ATXN1: variants seen among roughly 807,000 people sequenced by gnomAD.
The protein encoded by ATXN1 is ataxin 1.
A neutral mutation model predicts 56.4 loss-of-function variants in ATXN1; 8 were observed. The observed-to-expected ratio is 0.14, with a 90% CI of 0.08 to 0.26. The LOEUF is 0.26. ATXN1 is among the 10% of genes least tolerant of loss of function. The pLI is 1.00. For missense variants in ATXN1, 987 were observed against 1,106.5 expected, an observed-to-expected ratio of 0.89 and a Z score of 1.53; for synonymous variants, 514 against 494.6, an observed-to-expected ratio of 1.04 and a Z score of -0.52.
At chr6:16,573,132 T>C (rs1015417978) in intron 4 of ATXN1, among the ~76,000 whole-genome samples, 1 of 152,180 alleles carries the variant, frequency 6.6e-6, no homozygotes, top group Non-Finnish European at 1.5e-5. Context: ...TCATTCAGTC[T>C]AGCCTAAGCC....
At chr6:16,386,493 C>A (rs1758242945) in intron 6 of ATXN1, among the ~76,000 whole-genome samples, 1 of 152,186 alleles carries the variant, frequency 6.6e-6, no homozygotes, top group African/African-American at 2.4e-5. Context: ...AACACTTTTA[C>A]ATGAAAGAAA....
At chr6:16,529,176 C>CA (rs34454648) in intron 4 of ATXN1, among the ~76,000 whole-genome samples, 59,229 of 122,200 alleles carry the variant, frequency 0.48, 13,317 homozygotes, top group African/African-American at 0.61. Flanking sequence ...AAGACTCTGT[C>CA]AAAAAAAAAA....
At chr6:16,731,335 A>G (rs1044791820) in intron 2 of ATXN1, among the ~76,000 whole-genome samples, 1 of 152,026 alleles carries the variant, frequency 6.6e-6, no homozygotes, top group Non-Finnish European at 1.5e-5. Context: ...CATTCAGGGG[A>G]AAAAAACATC....
rs1347251416 is a variant in ATXN1, at chr6:16,760,606, C to T, written c.-730+692G>A. Among the ~76,000 whole-genome samples the T allele has an allele frequency of 6.6e-6, 1 of 151,056 alleles. No homozygotes were observed. The highest frequency in any genetic ancestry group is 2.4e-5 in the African/African-American group (1 of 41,240). On this transcript the variant is annotated intron_variant, in intron 1 of 7. Coordinates refer to ENST00000436367, the MANE Select transcript of ATXN1 (RefSeq NM_001128164.2). The surrounding 1 kb of genome is among the most constrained non-coding windows in gnomAD (Gnocchi z 5.3). The stretch of plus-strand genomic sequence containing the variant: ...CCCGGCCGCGCGCAAAGTCCCGTCC[C>T]GGCTGCAGGAGCAGTCCCTTCCCCG...
intron 5 of ATXN1, among the ~76,000 whole-genome samples, chr6:16,513,599 G>A (rs542503058): frequency 3.5e-4 from 53 of 152,256 alleles, no homozygotes; most frequent in African/African-American, 1.3e-3. Flanking sequence ...AACAGGCCAC[G>A]GTGATATTAT....
intron 2 of ATXN1, among the ~76,000 whole-genome samples, chr6:16,721,680 T>C (rs1378262705): frequency 7.2e-5 from 11 of 152,204 alleles, no homozygotes; most frequent in Non-Finnish European, 1.6e-4. Flanking sequence ...GCAGATTTAA[T>C]GTAATAATTT....
intron 3 of ATXN1, among the ~76,000 whole-genome samples, chr6:16,593,971 CTAAT>C (rs1003585924): frequency 4.1e-5 from 6 of 146,934 alleles, no homozygotes; most frequent in Non-Finnish European, 8.9e-5. Flanking sequence ...ACATATTAGT[CTAAT>C]TATTATATAT....
chr6:16,500,738 TAAAA>T (rs1167731131), intron 5 of ATXN1, among the ~76,000 whole-genome samples: 6 of 84,598 alleles, frequency 7.1e-5, no homozygotes, highest in African/African-American at 2.5e-4. Context: ...TTCATTATGA[TAAAA>T]AAAAAAAAAA....
Position 16,328,516 on chromosome 6 carries a change from G to A in ATXN1, c.-160-46C>T, listed in dbSNP as rs996645555. On this transcript the variant is annotated intron_variant, in intron 6 of 7. Coordinates refer to ENST00000436367, the MANE Select transcript of ATXN1 (RefSeq NM_001128164.2). The surrounding 1 kb of genome is among the most constrained non-coding windows in gnomAD (Gnocchi z 6.2). The stretch of plus-strand genomic sequence containing the variant: ...GTGACAAAGGGAAAAGGAAAGGGAG[G>A]AGAAAGGGAAGGAGGGAAAGGACAT... 2 of 944,824 alleles carry A rather than the reference G, an allele frequency of 2.1e-6. No homozygotes were observed. The highest frequency in any genetic ancestry group is 2.8e-6 in the Non-Finnish European group (2 of 707,072). The allele number at this position is 944,824 out of a possible 1,614,324, so 58.5% of individuals were successfully genotyped here.
chr6:16,486,722 G>C (rs915953832), intron 5 of ATXN1, among the ~76,000 whole-genome samples: 1 of 152,128 alleles, frequency 6.6e-6, no homozygotes, highest in Non-Finnish European at 1.5e-5. Context: ...AGAAAGTGAA[G>C]GCATCACGCA....
At chr6:16,533,847 A>C (rs1761548328) in intron 4 of ATXN1, among the ~76,000 whole-genome samples, 1 of 152,160 alleles carries the variant, frequency 6.6e-6, no homozygotes, top group African/African-American at 2.4e-5. Context: ...CATGCACAAG[A>C]GGTGACTTCA....
At chr6:16,761,064 A>G (rs932847226) in intron 1 of ATXN1, 4 of 314,096 alleles carry the variant, frequency 1.3e-5, no homozygotes, top group South Asian at 4.5e-5. Flanking sequence ...ATGTACACAC[A>G]TACACACACA....
At chr6:16,652,541 T>A (rs527860133) in intron 3 of ATXN1, among the ~76,000 whole-genome samples, 2 of 152,226 alleles carry the variant, frequency 1.3e-5, no homozygotes, top group South Asian at 4.1e-4. Context: ...GCTAAAATCC[T>A]GTACTCTATA....
intron 2 of ATXN1, among the ~76,000 whole-genome samples, chr6:16,675,209 T>A (rs1157638617): frequency 6.6e-6 from 1 of 152,230 alleles, no homozygotes; most frequent in Admixed American, 6.5e-5. Context: ...AAGTAACCAA[T>A]GGCTTTTTAA....
intron 3 of ATXN1, among the ~76,000 whole-genome samples, chr6:16,614,376 G>C (rs1763167005): frequency 6.6e-6 from 1 of 151,812 alleles, no homozygotes; most frequent in South Asian, 2.1e-4. Context: ...GTGGGCCCCA[G>C]TGTACTTCAG....
chr6:16,689,663 AATGTG>A (rs957865441), intron 2 of ATXN1, among the ~76,000 whole-genome samples: 52 of 151,984 alleles, frequency 3.4e-4, no homozygotes, highest in African/African-American at 1.2e-3. Context: ...TATGGGTTAT[AATGTG>A]ATGTTTTGAT....
At chr6:16,378,450 T>C (rs1301141842) in intron 6 of ATXN1, among the ~76,000 whole-genome samples, 1 of 152,216 alleles carries the variant, frequency 6.6e-6, no homozygotes, top group Middle Eastern at 3.2e-3. Flanking sequence ...GCACAGAATA[T>C]GTAACTTGTG....
intron 4 of ATXN1, among the ~76,000 whole-genome samples, chr6:16,538,457 G>A (rs1761647170): frequency 6.6e-6 from 1 of 151,616 alleles, no homozygotes; most frequent in South Asian, 2.1e-4. Context: ...TATACTTTAA[G>A]TTTTAGGGTA....
chr6:16,662,496 C>A (rs565615218), intron 2 of ATXN1, among the ~76,000 whole-genome samples: 1 of 152,146 alleles, frequency 6.6e-6, no homozygotes, highest in Admixed American at 6.5e-5. Flanking sequence ...CCACGCCCAG[C>A]TAATTTTTTG....
Sources: allele counts gnomAD v4.1 joint callset (sites outside exome capture counted in the v4.1 genomes callset), GRCh38; gene constraint gnomAD v4.1.1; non-coding constraint Gnocchi (gnomAD v3.1); transcripts MANE v1.5; gene names NCBI Gene and HGNC (gene_info 2026-07-23, HGNC 2026-07-21).